ZNF184: variants seen among roughly 807,000 people sequenced by gnomAD.
ZNF184 encodes the protein zinc finger protein 184, also known as zinc finger protein 184 (Kruppel-like).
Under a neutral mutation model 54.4 loss-of-function variants are expected in ZNF184, and 16 were observed. That is an observed-to-expected ratio of 0.29 (90% CI 0.20 to 0.45). The LOEUF (loss-of-function observed/expected upper bound fraction) is 0.45, where lower values mean the gene tolerates loss of function less well. Ranked by LOEUF, ZNF184 falls within the 20% of genes least tolerant of loss-of-function variation. The pLI is 1.00. For missense variants in ZNF184, 681 were observed against 888.2 expected, an observed-to-expected ratio of 0.77 and a Z score of 2.97; for synonymous variants, 254 against 295.3, an observed-to-expected ratio of 0.86 and a Z score of 1.43.
At position 27,451,600 on chromosome 6, in the gene ZNF184, CTGGCT is replaced by C; in HGVS notation, c.1954_1958del (p.Ser652GlufsTer18). The C allele has an allele frequency of 6.2e-7, 1 of 1,614,128 alleles. No individual in the cohort carries two copies. The highest frequency in any genetic ancestry group is 1.1e-5 in the South Asian group (1 of 91,078). On this transcript the variant is annotated frameshift_variant, in exon 6 of 6. Transcript: ENST00000683788. LOFTEE classifies it high-confidence loss of function. ...GTTGATGCTGAGTTAGATGGGAGCTCTGGCTAAAGGTCTTTTCACATTTATTACAC... is the reference window on the plus strand; with the variant it reads ...GTTGATGCTGAGTTAGATGGGAGCTCAAAGGTCTTTTCACATTTATTACAC...
chr6:27,430,348 AC>A, the ZNF184 span, among the ~76,000 whole-genome samples: 1 of 36,138 alleles, frequency 2.8e-5, no homozygotes, highest in Non-Finnish European at 6.6e-5. Flanking sequence ...CCACCCACCC[AC>A]CCCCGGGTCT....
At position 27,452,021 on chromosome 6, in the gene ZNF184, T is replaced by C; in HGVS notation, c.1538A>G (p.Tyr513Cys). 3 of 1,613,992 alleles carry C rather than the reference T, an allele frequency of 1.9e-6. No individual in the cohort carries two copies. The highest frequency in any genetic ancestry group is 1.7e-6 in the Non-Finnish European group (2 of 1,180,014). The change falls in exon 6 of 6, where the codon TAT (tyrosine) becomes TGT (cysteine). Residue 513 changes from tyrosine (Y) to cysteine (C), a missense_variant. Transcript: ENST00000683788. The surrounding 1 kb of genome is among the most constrained non-coding windows in gnomAD (Gnocchi z 5.5). Reference protein sequence around the residue: ...ECSECGKAFSYLSNLNQHQKT... With the variant: ...ECSECGKAFSCLSNLNQHQKT... ...CTGATGCTGATTAAGGTTTGAGAGA[T>C]AACTGAAAGCCTTTCCACATTCACT...
downstream of ZNF184, among the ~76,000 whole-genome samples, chr6:27,449,709 C>T (rs1762677775): frequency 6.6e-6 from 1 of 152,060 alleles, no homozygotes; most frequent in African/African-American, 2.4e-5. Flanking sequence ...TATAATCATG[C>T]TACTGCACTC....
At chr6:27,407,413 G>T in the ZNF184 span, among the ~76,000 whole-genome samples, 1 of 152,138 alleles carries the variant, frequency 6.6e-6, no homozygotes, top group African/African-American at 2.4e-5. Context: ...CTATGGGCAC[G>T]AGCTGGTTCC....
the ZNF184 span, among the ~76,000 whole-genome samples, chr6:27,425,277 A>G: frequency 4.6e-5 from 7 of 152,342 alleles, no homozygotes; most frequent in Admixed American, 2.6e-4. Context: ...GGGCTCCCAC[A>G]GTGCAGTGGT....
chr6:27,406,795 CT>C, the ZNF184 span: 5 of 152,324 alleles, frequency 3.3e-5, no homozygotes, highest in Non-Finnish European at 2.9e-5. Flanking sequence ...GCTCTATTTT[CT>C]GGCAGACCAT....
In ZNF184 at chr6:27,457,017, T is replaced by C. The variant is rs1762873003; in HGVS notation, c.203-96A>G. 9 of 1,190,780 alleles carry C rather than the reference T, an allele frequency of 7.6e-6. No homozygotes were observed. In the African/African-American group the frequency reaches 7.6e-5, roughly 10 times the overall value. 73.8% of individuals were successfully genotyped at this position (1,190,780 alleles called of 1,614,324 possible). ...CTTTGTCTTTAGAAGAAATGATATG[T>C]AGTAAAAACCTGATGGGAGTGGATA... On this transcript the variant is annotated intron_variant, in intron 4 of 5. Coordinates refer to ENST00000683788, the MANE Select transcript of ZNF184 (RefSeq NM_001318891.2).
In ZNF184 at chr6:27,472,816, G is replaced by A. The variant is rs1740845090; in HGVS notation, c.-227C>T. On this transcript the variant is annotated 5_prime_UTR_variant, in exon 1 of 6. Coordinates refer to ENST00000683788, the MANE Select transcript of ZNF184 (RefSeq NM_001318891.2). This position sits in a 1 kb window ranked among gnomAD's most constrained non-coding sequence, Gnocchi z 4.8. Reference sequence around the variant, plus strand: ...CCTTAGGCCAGAACAAAAGAACAAAGCCCTCCAAGGGATCAGGGCGGGACC... The same window carrying A: ...CCTTAGGCCAGAACAAAAGAACAAAACCCTCCAAGGGATCAGGGCGGGACC... The A allele has an allele frequency of 6.5e-6, 1 of 153,300 alleles. No homozygotes were observed. Among genetic ancestry groups the A allele is most frequent in the Non-Finnish European group, 1.5e-5 (1 of 68,696 alleles). 9.5% of individuals were successfully genotyped at this position (153,300 alleles called of 1,614,324 possible).
At chr6:27,461,348 T>G (rs550916887) in intron 3 of ZNF184, among the ~76,000 whole-genome samples, 1 of 152,332 alleles carries the variant, frequency 6.6e-6, no homozygotes, top group East Asian at 1.9e-4. Flanking sequence ...CTCTTTTGTA[T>G]GCTTTGCTGT....
the ZNF184 span, among the ~76,000 whole-genome samples, chr6:27,408,791 C>G: frequency 1.3e-5 from 2 of 152,114 alleles, no homozygotes; most frequent in Non-Finnish European, 2.9e-5. Flanking sequence ...CTATTTCACT[C>G]TTGTTTCTAG....
intron 3 of ZNF184, among the ~76,000 whole-genome samples, chr6:27,460,049 C>A (rs1762958882): frequency 6.6e-6 from 1 of 152,116 alleles, no homozygotes; most frequent in African/African-American, 2.4e-5. Context: ...CACCTGTAGT[C>A]CCAGCTCCTC....
At chr6:27,434,037 T>C in the ZNF184 span, among the ~76,000 whole-genome samples, 2 of 141,898 alleles carry the variant, frequency 1.4e-5, no homozygotes, top group East Asian at 4.4e-4. Context: ...TCCTCTTTGT[T>C]TGAGACAGGG....
chr6:27,416,466 A>G, the ZNF184 span, among the ~76,000 whole-genome samples: 3 of 152,184 alleles, frequency 2.0e-5, no homozygotes, highest in South Asian at 2.1e-4. Flanking sequence ...AGTCCTTTCT[A>G]TCTTCTGTGG....
At chr6:27,417,798 T>A in the ZNF184 span, among the ~76,000 whole-genome samples, 1 of 152,176 alleles carries the variant, frequency 6.6e-6, no homozygotes, top group Non-Finnish European at 1.5e-5. Flanking sequence ...AACACTAAAC[T>A]ATGTATGTAG....
At chr6:27,459,388 A>G (rs533756610) in intron 3 of ZNF184, among the ~76,000 whole-genome samples, 12 of 149,560 alleles carry the variant, frequency 8.0e-5, no homozygotes, top group South Asian at 2.1e-4. Context: ...AAATTAAGGG[A>G]AAAAAAAAAG....
At chr6:27,404,663 T>A in the ZNF184 span, 4 of 152,300 alleles carry the variant, frequency 2.6e-5, no homozygotes, top group South Asian at 4.1e-4. Context: ...CATAGCACAA[T>A]TATATGTTTG....
chr6:27,429,485 A>G, the ZNF184 span, among the ~76,000 whole-genome samples: 1 of 152,142 alleles, frequency 6.6e-6, no homozygotes, highest in Non-Finnish European at 1.5e-5. Flanking sequence ...GTTTGTGCTT[A>G]TCTTTTTCAG....
the ZNF184 span, among the ~76,000 whole-genome samples, chr6:27,419,653 C>T: frequency 6.6e-6 from 1 of 152,074 alleles, no homozygotes; most frequent in Non-Finnish European, 1.5e-5. The surrounding 1 kb of genome is among the most constrained non-coding windows in gnomAD (Gnocchi z 4.8). Context: ...ACAGTGAAAC[C>T]CAAAATCCTT....
In ZNF184 at chr6:27,452,953, C is replaced by T; in HGVS notation, c.606G>A (p.Glu202=). The change falls in exon 6 of 6, where the codon GAG becomes GAA. Residue 202 remains glutamate, a synonymous_variant. Coordinates refer to ENST00000683788, the MANE Select transcript of ZNF184 (RefSeq NM_001318891.2). The surrounding 1 kb of genome is among the most constrained non-coding windows in gnomAD (Gnocchi z 5.5). ...GTTTGATGCTTCTTTTAGTAGAGGT[C>T]TCTTCTGGAGATGGTTCTTGTGTTA... ...NLVTQEPSPE[E]TSTKRSIKQN... The T allele has an allele frequency of 6.2e-7, 1 of 1,614,112 alleles. No individual in the cohort carries two copies. Among genetic ancestry groups the T allele is most frequent in the Non-Finnish European group, 8.5e-7 (1 of 1,180,018 alleles).
Sources: allele counts gnomAD v4.1 joint callset (sites outside exome capture counted in the v4.1 genomes callset), GRCh38; gene constraint gnomAD v4.1.1; non-coding constraint Gnocchi (gnomAD v3.1); transcripts MANE v1.5; gene names NCBI Gene and HGNC (gene_info 2026-07-23, HGNC 2026-07-21).